The following ATP5F1B variants were observed in gnomAD, a reference collection of about 807,000 sequenced individuals.
ATP5F1B encodes ATP synthase F(1) complex subunit beta, mitochondrial.
A neutral mutation model predicts 45.9 loss-of-function variants in ATP5F1B; 17 were observed. The ratio of observed to expected loss-of-function variants is 0.37; its 90% confidence interval spans 0.25 to 0.56. The LOEUF is 0.56. ATP5F1B is among the 20% of genes least tolerant of loss of function. The pLI is 0.80. For missense variants in ATP5F1B, 387 were observed against 673.2 expected (o/e 0.57, Z 4.70); for synonymous variants, 218 against 256.5 (o/e 0.85, Z 1.43).
chr12:56,640,799 C>G (rs1348656298), intron 7 of ATP5F1B, among the ~76,000 whole-genome samples: 1 of 150,276 alleles, frequency 6.7e-6, no homozygotes, highest in East Asian at 2.0e-4. Context: ...ATAATCCCAG[C>G]ACTTTGGGAG....
rs1472909383 is a variant in ATP5F1B at position 56,644,811 on chromosome 12, A to G, written c.455T>C (p.Ile152Thr). 6.2e-7 allele frequency: 1 copy of G among 1,614,048 alleles called. No homozygotes were observed. Among genetic ancestry groups the G allele is most frequent in the Non-Finnish European group, 8.5e-7 (1 of 1,179,894 alleles). Residue 152 changes from isoleucine to threonine, a missense_variant, in exon 3 of 10, where the codon ATT becomes ACT. This residue lies in a region of ATP5F1B where 113 missense variants were observed against 168.0 expected (regional missense o/e 0.67). Coordinates refer to ENST00000262030, the MANE Select transcript of ATP5F1B (RefSeq NM_001686.4). ...GRIMNVIGEP[I>T]DERGPIKTKQ... ...GGTTTTGATGGGACCTCTTTCATCA[A>G]TAGGTTCTCCAATGACATTCATGAT...
At chr12:56,643,270 G>T in intron 5 of ATP5F1B, 133 bp downstream of exon 5, 2 of 793,674 alleles carry the variant, frequency 2.5e-6, no homozygotes, top group Admixed American at 3.2e-5. Flanking sequence ...TAGGCCCTGG[G>T]ACACGAAAAT....
At chr12:56,644,036 A>G (rs1951532358) in intron 3 of ATP5F1B, 78 bp from the exon 4 acceptor site, 3 of 1,526,112 alleles carry the variant, frequency 2.0e-6, no homozygotes. Flanking sequence ...CCTCCCTATC[A>G]ACTCTCAAGT....
rs948788024 is a variant in ATP5F1B, at chr12:56,642,995, A to T, written c.793-164T>A. 5 of 723,208 alleles carry T rather than the reference A, an allele frequency of 6.9e-6. No individual in the cohort carries two copies. In the African/African-American group the frequency reaches 8.9e-5, roughly 13 times the overall value. The allele number at this position is 723,208 out of a possible 1,614,324, so 44.8% of individuals were successfully genotyped here. On this transcript the variant is annotated intron_variant, in intron 5 of 9. Coordinates refer to ENST00000262030, the MANE Select transcript of ATP5F1B (RefSeq NM_001686.4). ...ATTAGAGATGCAGTTCAAAAAAAAA[A>T]GACAGCTTCTTATATTAGTAAGGCA...
chr12:56,639,993 T>G lies in ATP5F1B; in HGVS notation c.1274A>C (p.Gln425Pro). 6.2e-7 allele frequency: 1 copy of G among 1,613,980 alleles called. No homozygotes were observed. The highest frequency in any genetic ancestry group is 1.7e-5 in the Admixed American group (1 of 60,006). The change falls in exon 8 of 10, where the codon CAA becomes CCA. Residue 425 changes from glutamine to proline, a missense_variant. Gln to Pro is a moderately conservative substitution (Grantham distance 76). This residue lies in a region of ATP5F1B where 154 missense variants were observed against 361.4 expected (regional missense o/e 0.43). Coordinates refer to ENST00000262030, the MANE Select transcript of ATP5F1B (RefSeq NM_001686.4). ...TAATATACTCACCTGCAGGATCTTT[T>G]GCACCCCACGGGCAACATCGTAATG... is the stretch of plus-strand genomic sequence containing the variant. ...SEHYDVARGVQKILQDYKSLQ... is the reference protein window; with the variant it reads ...SEHYDVARGVPKILQDYKSLQ...
In ATP5F1B at chr12:56,638,295, G is replaced by A. The variant is rs745841573; in HGVS notation, c.*28C>T. On this transcript the variant is annotated 3_prime_UTR_variant, in exon 10 of 10. Coordinates refer to ENST00000262030, the MANE Select transcript of ATP5F1B (RefSeq NM_001686.4). Reference sequence around the variant, plus strand: ...AAGCTTTTTGGGTTAGGGGCAAGGAGAGAGACAGTACAGAGGACAAAGACC... The same window carrying A: ...AAGCTTTTTGGGTTAGGGGCAAGGAAAGAGACAGTACAGAGGACAAAGACC... The A allele has an allele frequency of 4.4e-6, 7 of 1,589,234 alleles. No homozygotes were observed. The highest frequency in any genetic ancestry group is 6.0e-6 in the Non-Finnish European group (7 of 1,159,116).
chr12:56,643,335 C>T (rs1243047590), intron 5 of ATP5F1B, 68 bp downstream of exon 5: 11 of 1,363,482 alleles, frequency 8.1e-6, no homozygotes, highest in Admixed American at 2.3e-5. Context: ...AAATATAGAA[C>T]ATGGCTTCAG....
Position 56,645,891 on chromosome 12 carries a change from A to G in ATP5F1B, c.73T>C (p.Ser25Pro), listed in dbSNP as rs144845797. The part of the protein sequence containing the change: ...GALRRLTPSA[S>P]LPPAQLLLRA... ...AGTAAGAGCTGAGCTGGGGGCAGCG[A>G]CGCTGAAGGGGTGAGTCTCCGCAAG... is the stretch of plus-strand genomic sequence containing the variant. Residue 25 changes from serine (S) to proline (P), a missense_variant, in exon 1 of 10, where the codon TCG becomes CCG. Transcript: ENST00000262030. 1.3e-4 allele frequency: 202 copies of G among 1,608,346 alleles called. No individual in the cohort carries two copies. In the African/African-American group the frequency reaches 2.0e-3, roughly 16 times the overall value.
In ATP5F1B at chr12:56,638,221, AAGAATATATCT is replaced by A. The variant is rs149735193; in HGVS notation, c.*91_*101del. The A allele has an allele frequency of 0.023, 22,885 of 1,002,992 alleles. 445 individuals carry two copies. The highest frequency in any genetic ancestry group is 0.07 in the African/African-American group (4,304 of 61,904). The allele number at this position is 1,002,992 out of a possible 1,614,324, so 62.1% of individuals were successfully genotyped here. A position where few individuals can be genotyped will look rare whatever the true frequency, so the allele number is the denominator to read the frequency against. ...TTGGAAACCTTAAATACTGTTCAGA[AAGAATATATCT>A]TCAATCAAGGCTCTTGTGCAGCCTA... On this transcript the variant is annotated 3_prime_UTR_variant, in exon 10 of 10. Coordinates refer to ENST00000262030, the MANE Select transcript of ATP5F1B (RefSeq NM_001686.4).
In ATP5F1B at chr12:56,643,817, T is replaced by G; in HGVS notation, c.607+20A>C. 1.9e-6 allele frequency: 3 copies of G among 1,614,066 alleles called. No individual in the cohort carries two copies. Among genetic ancestry groups the G allele is most frequent in the South Asian group, 2.2e-5 (2 of 91,072 alleles). ...CCTCCCATATTAGGTTTGGAAAATA[T>G]GTACCCCTTAATAACATACCAATTT... is the stretch of plus-strand genomic sequence containing the variant. On this transcript the variant is annotated intron_variant, in intron 4 of 9. Coordinates refer to ENST00000262030, the MANE Select transcript of ATP5F1B (RefSeq NM_001686.4).
rs2137542124 is a variant in ATP5F1B at position 56,639,145 on chromosome 12, G to A, written c.1450C>T (p.Leu484=). The A allele has an allele frequency of 6.2e-7, 1 of 1,613,924 alleles. No individual in the cohort carries two copies. ...FTGHMGKLVP[L]KETIKGFQQI... ...TGGAATCCTTTGATGGTCTCCTTCAGGGGTACCAGCTTCCCCATATGACCT... is the reference window on the plus strand; with the variant it reads ...TGGAATCCTTTGATGGTCTCCTTCAAGGGTACCAGCTTCCCCATATGACCT... Residue 484 remains leucine, a synonymous_variant, in exon 9 of 10, where the codon CTG becomes TTG. Coordinates refer to ENST00000262030, the MANE Select transcript of ATP5F1B (RefSeq NM_001686.4).
At chr12:56,643,686 C>G (rs1438498092) in intron 4 of ATP5F1B, 99 bp from the exon 5 acceptor site, 2 of 1,583,534 alleles carry the variant, frequency 1.3e-6, no homozygotes, top group Non-Finnish European at 1.7e-6. Context: ...TATTCCTTCT[C>G]AGAAATTGCA....
chr12:56,641,694 A>G (rs1951513247), intron 7 of ATP5F1B, among the ~76,000 whole-genome samples: 1 of 151,832 alleles, frequency 6.6e-6, no homozygotes, highest in East Asian at 2.0e-4. Flanking sequence ...GGAACTACAG[A>G]CAGGTGCCAC....
Position 56,638,378 on chromosome 12 carries a change from G to T in ATP5F1B, c.1535C>A (p.Pro512His), listed in dbSNP as rs781187712. The T allele has an allele frequency of 1.3e-5, 21 of 1,613,828 alleles. No individual in the cohort carries two copies. The East Asian group carries it at 2.9e-4, about 22-fold the overall frequency. ...LPEQAFYMVG[P>H]IEEAVAKADK... ...AGCTTTTGCCACAGCTTCTTCAATG[G>T]GTCCCACCATATAGAAGGCCTGTTC... Residue 512 changes from proline (P) to histidine (H), a missense_variant, in exon 10 of 10, where the codon CCC becomes CAC. Transcript: ENST00000262030.
intron 8 of ATP5F1B, 44 bp downstream of exon 8, chr12:56,639,936 T>G: frequency 6.2e-7 from 1 of 1,603,148 alleles, no homozygotes; most frequent in Non-Finnish European, 8.5e-7. Context: ...ACAGGCCCTC[T>G]TTTTGACTTT....
chr12:56,645,795 G>T, intron 1 of ATP5F1B, 42 bp downstream of exon 1: 1 of 1,596,632 alleles, frequency 6.3e-7, no homozygotes. Flanking sequence ...AAGGTCATGG[G>T]GCGGCAAAAT....
intron 3 of ATP5F1B, 27 bp from the exon 4 acceptor site, chr12:56,643,985 T>C: frequency 1.2e-6 from 2 of 1,608,462 alleles, no homozygotes; most frequent in African/African-American, 1.3e-5. Context: ...GAGGATAGTA[T>C]CTATTCACCT....
At chr12:56,645,431 G>A in intron 1 of ATP5F1B, 78 bp from the exon 2 acceptor site, 2 of 1,470,916 alleles carry the variant, frequency 1.4e-6, no homozygotes, top group Admixed American at 4.4e-5. Flanking sequence ...TAACACACAA[G>A]GAGAGGAAAA....
chr12:56,644,062 A>G (rs570679440), intron 3 of ATP5F1B, 104 bp from the exon 4 acceptor site: 1 of 1,336,936 alleles, frequency 7.5e-7, no homozygotes, highest in Admixed American at 2.5e-5. Context: ...CCTTTACCTG[A>G]GGAACCACAG....
Sources: allele counts gnomAD v4.1 joint callset (sites outside exome capture counted in the v4.1 genomes callset), GRCh38; gene constraint gnomAD v4.1.1; regional missense constraint gnomAD v4.1.1; transcripts MANE v1.5; gene names NCBI Gene and HGNC (gene_info 2026-07-23, HGNC 2026-07-21).